FAM149A: variants seen among roughly 807,000 people sequenced by gnomAD.
The protein encoded by FAM149A is protein FAM149A.
A neutral mutation model predicts 78.2 loss-of-function variants in FAM149A; 71 were observed. That is an observed-to-expected ratio of 0.91 (90% confidence interval 0.75 to 1.11). The LOEUF (loss-of-function observed/expected upper bound fraction) is 1.11. Ranked by LOEUF, FAM149A falls within the 50% of genes least tolerant of loss-of-function variation. FAM149A has a pLI of 0.00. For missense variants in FAM149A, 1,036 were observed against 971.0 expected (o/e 1.07, Z -0.89); for synonymous variants, 446 against 410.5 (o/e 1.09, Z -1.04).
intron 1 of FAM149A, among the ~76,000 whole-genome samples, chr4:186,120,398 T>G (rs1349058844): frequency 6.6e-6 from 1 of 152,188 alleles, no homozygotes; most frequent in Non-Finnish European, 1.5e-5. Context: ...TGAATTAAGA[T>G]AGTAATGAGG....
chr4:186,126,129 A>G, intron 1 of FAM149A: 1 of 976,362 alleles, frequency 1.0e-6, no homozygotes, highest in Non-Finnish European at 1.2e-6. Flanking sequence ...TCCTTTCATT[A>G]GTATCATATC....
chr4:186,141,317 T>G (rs1279051776), intron 1 of FAM149A, among the ~76,000 whole-genome samples: 1 of 152,198 alleles, frequency 6.6e-6, no homozygotes, highest in African/African-American at 2.4e-5. Context: ...ACAAAAAAAT[T>G]AAAAATATCT....
At position 186,104,877 on chromosome 4, in the gene FAM149A, G is replaced by T; in HGVS notation, c.-200G>T. On this transcript the variant is annotated 5_prime_UTR_variant, in exon 1 of 14. Coordinates refer to ENST00000389354, the MANE Select transcript of FAM149A (RefSeq NM_001367768.3). ...GCTGCTCTCCGCAGCCGGGGCGCTC[G>T]GCGGACGGACCCGGGCCGGGGAAGG... 3 of 837,450 alleles carry T rather than the reference G, an allele frequency of 3.6e-6. No homozygotes were observed. Among genetic ancestry groups the T allele is most frequent in the Non-Finnish European group, 4.3e-6 (3 of 694,802 alleles). The allele number at this position is 837,450 out of a possible 1,614,324, so 51.9% of individuals were successfully genotyped here.
At chr4:186,121,485 T>C (rs973034351) in intron 1 of FAM149A, among the ~76,000 whole-genome samples, 12 of 152,238 alleles carry the variant, frequency 7.9e-5, no homozygotes, top group Admixed American at 2.6e-4. Context: ...TTAAAATGTA[T>C]TTTTAAAGAT....
chr4:186,151,056 G>T, intron 3 of FAM149A: 6 of 985,312 alleles, frequency 6.1e-6, no homozygotes, highest in Non-Finnish European at 7.2e-6. Context: ...ATGGGAATCC[G>T]CTTCTGTCCG....
intron 1 of FAM149A, among the ~76,000 whole-genome samples, chr4:186,137,247 C>A (rs2099323783): frequency 8.3e-6 from 1 of 120,060 alleles, no homozygotes; most frequent in South Asian, 2.5e-4. Context: ...ATGTTGCTGA[C>A]CCTCTTTTTT....
chr4:186,145,226 G>A, intron 1 of FAM149A: 5 of 862,086 alleles, frequency 5.8e-6, no homozygotes, highest in Non-Finnish European at 7.0e-6. Context: ...GCAGGCACTC[G>A]GGAAGCGTCA....
In FAM149A at chr4:186,154,453, GT is replaced by G. The variant is rs150027699; in HGVS notation, c.1059-8del. On this transcript the variant is annotated splice_polypyrimidine_tract_variant and intron_variant, in intron 5 of 13. Coordinates refer to ENST00000389354, the MANE Select transcript of FAM149A (RefSeq NM_001367768.3). ...TTCTATAAACTCCCATGTAGAATCT[GT>G]TTTTTTCCCATAGGTTGTGCATTTC... 18,633 of 1,596,666 alleles carry G rather than the reference GT, an allele frequency of 0.012. 155 individuals are homozygous for G. Among genetic ancestry groups the G allele is most frequent in the Non-Finnish European group, 0.014 (16,562 of 1,170,020 alleles).
chr4:186,165,350 T>C lies in FAM149A; in HGVS notation c.1896T>C (p.Thr632=). 3 of 1,614,202 alleles carry C rather than the reference T, an allele frequency of 1.9e-6. No homozygotes were observed. Among genetic ancestry groups the C allele is most frequent in the African/African-American group, 1.3e-5 (1 of 75,066 alleles). Reference sequence around the variant, plus strand: ...ACATGATGATGTGTTGCAGGCCGACTGGCGTGGACCACATGGCTTCCCCAC... The same window carrying C: ...ACATGATGATGTGTTGCAGGCCGACCGGCGTGGACCACATGGCTTCCCCAC... Residue 632 remains threonine, a synonymous_variant, in exon 11 of 14, where the codon ACT becomes ACC. Transcript: ENST00000389354.
chr4:186,132,407 A>G (rs927721659), intron 1 of FAM149A, among the ~76,000 whole-genome samples: 1 of 152,238 alleles, frequency 6.6e-6, no homozygotes, highest in South Asian at 2.1e-4. Flanking sequence ...GATTGTTGCA[A>G]AGTTGGTGTT....
At chr4:186,170,538 G>A (rs1021831934) in intron 13 of FAM149A, among the ~76,000 whole-genome samples, 16 of 152,208 alleles carry the variant, frequency 1.1e-4, no homozygotes, top group African/African-American at 3.9e-4. Context: ...CCCCCGCCTA[G>A]AACCAGCCAG....
At chr4:186,159,773 C>T (rs1467830070) in intron 8 of FAM149A, among the ~76,000 whole-genome samples, 3 of 152,026 alleles carry the variant, frequency 2.0e-5, no homozygotes, top group Non-Finnish European at 2.9e-5. Context: ...CTTGTTCACG[C>T]GAGGCCTGTA....
At position 186,156,077 on chromosome 4, in the gene FAM149A, C is replaced by T. The variant is rs368472968; in HGVS notation, c.1307C>T (p.Pro436Leu). 75 of 1,613,766 alleles carry T rather than the reference C, an allele frequency of 4.6e-5. 1 individual carries two copies. The highest frequency in any genetic ancestry group is 5.5e-5 in the South Asian group (5 of 91,058). The change falls in exon 7 of 14, where the codon CCG becomes CTG. Residue 436 changes from proline to leucine, a missense_variant. This residue lies in a region of FAM149A where 716 missense variants were observed against 711.8 expected (regional missense o/e 1.01). Transcript: ENST00000389354. ...AAACTCGGACTTCCTCCTGTTTCCC[C>T]GCGTGACTGTGTCAAAGATGCCGTG...
In FAM149A at chr4:186,138,487, G is replaced by A. The variant is rs185911370; in HGVS notation, c.567-10686G>A. Among the ~76,000 whole-genome samples, 13 of 152,308 alleles carry A rather than the reference G, an allele frequency of 8.5e-5. No individual in the cohort carries two copies. In the East Asian group the frequency reaches 2.3e-3, roughly 27 times the overall value. On this transcript the variant is annotated intron_variant, in intron 1 of 13. Coordinates refer to ENST00000389354, the MANE Select transcript of FAM149A (RefSeq NM_001367768.3). ...TGCTTCACGCAGGGTCCCCTAAACT[G>A]TATTAACCGTCACCACCAGTTTTCC... is the stretch of plus-strand genomic sequence containing the variant.
rs1002562323 is a variant in FAM149A at position 186,144,468 on chromosome 4, C to T, written c.567-4705C>T. ...TTTTTAAACCTCATTCGTCCACTCC[C>T]CACCCCAGCCTGGTGTGCGCACCCT... On this transcript the variant is annotated intron_variant, in intron 1 of 13. Coordinates refer to ENST00000389354, the MANE Select transcript of FAM149A (RefSeq NM_001367768.3). This position sits in a 1 kb window ranked among gnomAD's most constrained non-coding sequence, Gnocchi z 4.2. The T allele has an allele frequency of 6.6e-6, 1 of 152,392 alleles. No homozygotes were observed. The highest frequency in any genetic ancestry group is 1.5e-5 in the Non-Finnish European group (1 of 68,190). 9.4% of individuals were successfully genotyped at this position (152,392 alleles called of 1,614,324 possible).
chr4:186,138,328 A>G (rs983096119), intron 1 of FAM149A, among the ~76,000 whole-genome samples: 12 of 152,194 alleles, frequency 7.9e-5, no homozygotes, highest in African/African-American at 2.9e-4. Flanking sequence ...AGGCTTGGTA[A>G]GTCCAAAACC....
intron 1 of FAM149A, among the ~76,000 whole-genome samples, chr4:186,129,458 A>G (rs942667482): frequency 4.6e-5 from 7 of 152,200 alleles, no homozygotes; most frequent in African/African-American, 1.7e-4. Context: ...CATATCACAC[A>G]CCGTACAATA....
intron 1 of FAM149A, chr4:186,130,289 CTCTCTA>C (rs2099320111): frequency 2.7e-5 from 1 of 36,906 alleles, no homozygotes; most frequent in African/African-American, 1.5e-4. Flanking sequence ...CTCTCTCTCT[CTCTCTA>C]TATATATATA....
At chr4:186,132,978 T>C (rs2099321368) in intron 1 of FAM149A, 1 of 985,334 alleles carries the variant, frequency 1.0e-6, no homozygotes, top group Non-Finnish European at 1.2e-6. Context: ...AAAAGAGACA[T>C]TGACGCTGTG....
Sources: gnomAD v4.1 joint callset for allele counts (sites outside exome capture counted in the v4.1 genomes callset) on GRCh38, gnomAD v4.1.1 for gene constraint, gnomAD v4.1.1 regional missense constraint, Gnocchi (gnomAD v3.1) non-coding constraint, MANE v1.5 for transcripts, NCBI Gene and HGNC (gene_info 2026-07-23, HGNC 2026-07-21) for gene names.